The following FLG variants were observed in gnomAD, a reference collection of about 807,000 sequenced individuals.
FLG encodes the protein filaggrin.
Under a neutral mutation model 3.8 loss-of-function variants are expected in FLG, and 6 were observed. That is an observed-to-expected ratio of 1.60 (90% confidence interval 0.87 to 3.15). The LOEUF (loss-of-function observed/expected upper bound fraction) is 3.15. Among genes scored for constraint, FLG ranks in the 30% most tolerant of loss-of-function variants. The pLI is 0.00. For synonymous variants in FLG, 2,551 were observed against 1,931.6 expected (o/e 1.32, Z -8.41); for missense variants, 7,595 against 5,050.9 (o/e 1.50, Z -15.27).
Position 152,308,512 on chromosome 1 carries a change from C to T in FLG, c.6374G>A (p.Ser2125Asn), listed in dbSNP as rs749003404. ...CTCTTGGGATGCTGAGTGCCTGGAG[C>T]TGTCTTGTGCCTGATCATAATGGGA... Reference protein sequence around the residue: ...QGSHYDQAQDSSRHSASQEGQ... With the variant: ...QGSHYDQAQDNSRHSASQEGQ... Residue 2125 changes from serine to asparagine, a missense_variant, in exon 3 of 3, where the codon AGC (serine) becomes AAC (asparagine). Physicochemically the swap from Ser to Asn is conservative, Grantham distance 46. Transcript: ENST00000368799. 5 of 1,613,634 alleles carry T rather than the reference C, an allele frequency of 3.1e-6. No homozygotes were observed. In the African/African-American group the frequency reaches 5.3e-5, roughly 17 times the overall value.
In FLG at chr1:152,312,846, T is replaced by C. The variant is rs775984856; in HGVS notation, c.2040A>G (p.Ser680=). Residue 680 remains serine (S), a synonymous_variant, in exon 3 of 3, where the codon TCA becomes TCG. Transcript: ENST00000368799. The stretch of plus-strand genomic sequence containing the variant: ...AGGAATTCTGTGTGTGACGAGTGCC[T>C]GATTTTCTGGAGCTGTCTGCAGAGT... ...HGHSADSSRK[S]GTRHTQNSSS... 4.3e-6 allele frequency: 7 copies of C among 1,613,956 alleles called. No homozygotes were observed. Among genetic ancestry groups the C allele is most frequent in the Non-Finnish European group, 5.9e-6 (7 of 1,180,020 alleles).
chr1:152,303,723 C>G lies in FLG; in HGVS notation c.11163G>C (p.Glu3721Asp). The stretch of plus-strand genomic sequence containing the variant: ...TGGGCCCAGCCCGTCCATGGGCAGA[C>G]TCAGACTGTTCATGAGTGCTCACCT... The part of the protein sequence containing the change: ...LYQVSTHEQS[E>D]SAHGRAGPST... The change falls in exon 3 of 3, where the codon GAG becomes GAC. Residue 3721 changes from glutamate to aspartate, a missense_variant. By Grantham distance (45) the Glu-to-Asp change is conservative. Transcript: ENST00000368799. 1 of 1,614,044 alleles carries G rather than the reference C, an allele frequency of 6.2e-7. No individual in the cohort carries two copies. The highest frequency in any genetic ancestry group is 8.5e-7 in the Non-Finnish European group (1 of 1,179,984).
chr1:152,302,883 G>T lies in FLG; in HGVS notation c.12003C>A (p.Tyr4001Ter), dbSNP rs1557869361. Residue 4001 changes from tyrosine to a stop codon, truncating the protein, a stop_gained, in exon 3 of 3, where the codon TAC becomes TAA. Transcript: ENST00000368799. LOFTEE classifies it low-confidence loss of function (END_TRUNC). The stretch of plus-strand genomic sequence containing the variant: ...CCTTGAAAACAACAGGATTGGAATT[G>T]TAACTAACACTTCCGTGCTGAGAGT... ...FRHSQHGSVS[Y>*]NSNPVVFKER... is the part of the protein sequence containing the mutation. 2 of 1,614,168 alleles carry T rather than the reference G, an allele frequency of 1.2e-6. No homozygotes were observed. The highest frequency in any genetic ancestry group is 1.3e-5 in the African/African-American group (1 of 75,038).
rs374338841 is a variant in FLG at position 152,305,085 on chromosome 1, A to G, written c.9801T>C (p.Ser3267=). The G allele has an allele frequency of 2.7e-4, 432 of 1,613,886 alleles. 1 individual carries two copies. Among genetic ancestry groups the G allele is most frequent in the Non-Finnish European group, 3.5e-4 (410 of 1,179,952 alleles). Residue 3267 remains serine (S), a synonymous_variant, in exon 3 of 3, where the codon TCT becomes TCC. Coordinates refer to ENST00000368799, the MANE Select transcript of FLG (RefSeq NM_002016.2). ...TGCCTGATTGTCTGGAGCGGTCTGC[A>G]GAGTGCCCGTGACCGGCTCTGTCTT... ...HHEDRAGHGH[S]ADRSRQSGTR...
At position 152,310,520 on chromosome 1, in the gene FLG, C is replaced by T. The variant is rs554065456; in HGVS notation, c.4366G>A (p.Gly1456Arg). Residue 1456 changes from glycine to arginine, a missense_variant, in exon 3 of 3, where the codon GGA (glycine) becomes AGA (arginine). Transcript: ENST00000368799. ...CCTCCAGTGCTGGGTGCAGTCTGTC[C>T]GTGTGTGGACTCAGACTGTTCATGA... The part of the protein sequence containing the change: ...SSHEQSESTH[G>R]QTAPSTGGRQ... The T allele has an allele frequency of 2.1e-5, 34 of 1,613,756 alleles. No homozygotes were observed. The highest frequency in any genetic ancestry group is 2.0e-4 in the East Asian group (9 of 44,830).
Position 152,311,074 on chromosome 1 carries a change from C to T in FLG, c.3812G>A (p.Ser1271Asn), listed in dbSNP as rs768867897. The change falls in exon 3 of 3, where the codon AGC becomes AAC. Residue 1271 changes from serine (S) to asparagine (N), a missense_variant. Ser to Asn is a conservative substitution (Grantham distance 46, BLOSUM62 1). Transcript: ENST00000368799. Reference protein sequence around the residue: ...RTSRHQGSSVSQDSDSERHSD... With the variant: ...RTSRHQGSSVNQDSDSERHSD... ...GTGTCTCTCACTGTCACTGTCCTGG[C>T]TAACACTGGATCCCTGGTGCCTGCT... The T allele has an allele frequency of 2.5e-6, 4 of 1,613,868 alleles. No homozygotes were observed. In the Admixed American group the frequency reaches 6.7e-5, roughly 27 times the overall value.
rs1244367688 is a variant in FLG, at chr1:152,308,851, T to G, written c.6035A>C (p.Gln2012Pro). 6.2e-7 allele frequency: 1 copy of G among 1,614,146 alleles called. No individual in the cohort carries two copies. Among genetic ancestry groups the G allele is most frequent in the Non-Finnish European group, 8.5e-7 (1 of 1,180,012 alleles). The stretch of plus-strand genomic sequence containing the variant: ...TGAGTGTCTGGAGCTGTCTGCTGAC[T>G]GGAGCTGGTGGTGGGATCCATGTCT... ...GERHGSHHQL[Q>P]SADSSRHSGI... Residue 2012 changes from glutamine (Q) to proline (P), a missense_variant, in exon 3 of 3, where the codon CAG becomes CCG. By Grantham distance (76) the Gln-to-Pro change is moderately conservative. Coordinates refer to ENST00000368799, the MANE Select transcript of FLG (RefSeq NM_002016.2).
rs1212014047 is a variant in FLG at position 152,305,226 on chromosome 1, G to C, written c.9660C>G (p.Asp3220Glu). 8 of 1,613,252 alleles carry C rather than the reference G, an allele frequency of 5.0e-6. No homozygotes were observed. Among genetic ancestry groups the C allele is most frequent in the Non-Finnish European group, 6.8e-6 (8 of 1,179,848 alleles). The change falls in exon 3 of 3, where the codon GAC becomes GAG. Residue 3220 changes from aspartate to glutamate, a missense_variant. Transcript: ENST00000368799. Reference sequence around the variant, plus strand: ...CAGAGTCTTCTGAATGTCCCTCACTGTCACTGTCCTGGCTCACACTGGATC... The same window carrying C: ...CAGAGTCTTCTGAATGTCCCTCACTCTCACTGTCCTGGCTCACACTGGATC... ...RQGSSVSQDS[D>E]SEGHSEDSER...
chr1:152,321,087 TAC>T (rs1349649540), intron 1 of FLG, among the ~76,000 whole-genome samples: 2 of 150,840 alleles, frequency 1.3e-5, no homozygotes, highest in African/African-American at 4.8e-5. Flanking sequence ...TATACATATA[TAC>T]ACTCACATAT....
chr1:152,304,891 T>G lies in FLG; in HGVS notation c.9995A>C (p.His3332Pro), dbSNP rs1266509695. 6.2e-7 allele frequency: 1 copy of G among 1,613,658 alleles called. No individual in the cohort carries two copies. Among genetic ancestry groups the G allele is most frequent in the Non-Finnish European group, 8.5e-7 (1 of 1,179,948 alleles). Reference protein sequence around the residue: ...QASSAVRDSRHWGSSGSQASD... With the variant: ...QASSAVRDSRPWGSSGSQASD... Reference sequence around the variant, plus strand: ...GGCCTGACTACCACTGGACCCCCAGTGTCTACTGTCTCTGACTGCAGATGA... The same window carrying G: ...GGCCTGACTACCACTGGACCCCCAGGGTCTACTGTCTCTGACTGCAGATGA... Residue 3332 changes from histidine to proline, a missense_variant, in exon 3 of 3, where the codon CAC (histidine) becomes CCC (proline). Transcript: ENST00000368799.
chr1:152,322,652 AAG>A (rs1470614921), intron 1 of FLG, among the ~76,000 whole-genome samples: 4 of 151,306 alleles, frequency 2.6e-5, no homozygotes, highest in Non-Finnish European at 5.9e-5. Flanking sequence ...AGCATAAAAA[AAG>A]AGGAAATTTT....
rs371856162 is a variant in FLG, at chr1:152,311,103, C to T, written c.3783G>A (p.Arg1261=). The T allele has an allele frequency of 1.5e-4, 241 of 1,613,754 alleles. No individual in the cohort carries two copies. The highest frequency in any genetic ancestry group is 2.0e-4 in the Non-Finnish European group (234 of 1,179,984). The part of the protein sequence containing the change: ...QVGQEQSSGS[R]TSRHQGSSVS... Reference sequence around the variant, plus strand: ...CACTGGATCCCTGGTGCCTGCTTGTCCTGGACCCCGATGATTGTTCCTGTC... The same window carrying T: ...CACTGGATCCCTGGTGCCTGCTTGTTCTGGACCCCGATGATTGTTCCTGTC... The change falls in exon 3 of 3, where the codon AGG becomes AGA. Residue 1261 remains arginine, a synonymous_variant. Transcript: ENST00000368799.
In FLG at chr1:152,307,229, G is replaced by T. The variant is rs1652033914; in HGVS notation, c.7657C>A (p.Gln2553Lys). ...SSGHSQVGQG[Q>K]SEGPRTSRNW... ...CTGCTTGTCCTGGGCCCCTCTGATT[G>T]TCCCTGGCCCACCTGCGAGTGTCCA... Residue 2553 changes from glutamine (Q) to lysine (K), a missense_variant, in exon 3 of 3, where the codon CAA becomes AAA. Gln to Lys is a moderately conservative substitution (Grantham distance 53). Coordinates refer to ENST00000368799, the MANE Select transcript of FLG (RefSeq NM_002016.2). 5 of 1,612,826 alleles carry T rather than the reference G, an allele frequency of 3.1e-6. No individual in the cohort carries two copies. Among genetic ancestry groups the T allele is most frequent in the East Asian group, 2.2e-5 (1 of 44,796 alleles).
rs779547405 is a variant in FLG, at chr1:152,312,091, T to G, written c.2795A>C (p.Gln932Pro). Residue 932 changes from glutamine (Q) to proline (P), a missense_variant, in exon 3 of 3, where the codon CAA (glutamine) becomes CCA (proline). Physicochemically the swap from Gln to Pro is moderately conservative, Grantham distance 76. Coordinates refer to ENST00000368799, the MANE Select transcript of FLG (RefSeq NM_002016.2). ...ISRHSQAGQGQSEGSRTSRRQ... is the reference protein window; with the variant it reads ...ISRHSQAGQGPSEGSRTSRRQ... The stretch of plus-strand genomic sequence containing the variant: ...CCTGCTTGTCCTGGACCCCTCTGAT[T>G]GTCCCTGGCCTGCCTGTGAGTGTCT... 48 of 1,613,976 alleles carry G rather than the reference T, an allele frequency of 3.0e-5. No individual in the cohort carries two copies. Among genetic ancestry groups the G allele is most frequent in the Non-Finnish European group, 4.1e-5 (48 of 1,180,006 alleles).
chr1:152,304,730 A>C lies in FLG; in HGVS notation c.10156T>G (p.Phe3386Val). ...SGGRSGRSGS[F>V]LYQVSTHEQS... ...TCATGAGTGCTCACCTGGTAGAGGA[A>C]AGACCCTGAACGTCCAGACCTTCCC... The change falls in exon 3 of 3, where the codon TTC (phenylalanine) becomes GTC (valine). Residue 3386 changes from phenylalanine to valine, a missense_variant. Coordinates refer to ENST00000368799, the MANE Select transcript of FLG (RefSeq NM_002016.2). The C allele has an allele frequency of 6.2e-7, 1 of 1,612,878 alleles. No individual in the cohort carries two copies. The highest frequency in any genetic ancestry group is 8.5e-7 in the Non-Finnish European group (1 of 1,179,832).
At position 152,304,681 on chromosome 1, in the gene FLG, C is replaced by T. The variant is rs111684654; in HGVS notation, c.10205G>A (p.Arg3402Gln). 1.1e-3 allele frequency: 1,705 copies of T among 1,612,020 alleles called. 42 individuals are homozygous for T. Among genetic ancestry groups the T allele is most frequent in the Non-Finnish European group, 9.6e-4 (1,131 of 1,179,164 alleles). Residue 3402 changes from arginine to glutamine, a missense_variant, in exon 3 of 3, where the codon CGG (arginine) becomes CAG (glutamine). Transcript: ENST00000368799. ...THEQSESAHG[R>Q]TRTSTGRRQG... The stretch of plus-strand genomic sequence containing the variant: ...TCTTCGTCCAGTGCTGGTCCTGGTC[C>T]GCCCATGGGCAGACTCAGACTGTTC...
Position 152,314,728 on chromosome 1 carries a change from A to G in FLG, c.158T>C (p.Met53Thr), listed in dbSNP as rs1156337712. The change falls in exon 3 of 3, where the codon ATG (methionine) becomes ACG (threonine). Residue 53 changes from methionine to threonine, a missense_variant. By Grantham distance (81) the Met-to-Thr change is moderately conservative (BLOSUM62 -1). Transcript: ENST00000368799. ...CAAGTGATCCATGAAGACATCAACC[A>G]TATCTGGGTCATCTGGATTCTGTAC... ...QILKNPDDPD[M>T]VDVFMDHLDI... 1 of 1,613,834 alleles carries G rather than the reference A, an allele frequency of 6.2e-7. No homozygotes were observed. The highest frequency in any genetic ancestry group is 8.5e-7 in the Non-Finnish European group (1 of 1,179,822).
At position 152,313,517 on chromosome 1, in the gene FLG, G is replaced by A. The variant is rs144697557; in HGVS notation, c.1369C>T (p.Arg457Trp). Reference protein sequence around the residue: ...QQSHQESTRGRSGERSGRSGS... With the variant: ...QQSHQESTRGWSGERSGRSGS... ...GAACGTCCAGACCGTTCCCCTGACC[G>A]GCCACGTGTGGACTCTTGGTGGCTC... The change falls in exon 3 of 3, where the codon CGG becomes TGG. Residue 457 changes from arginine to tryptophan, a missense_variant. By Grantham distance (101) the Arg-to-Trp change is moderately radical. Coordinates refer to ENST00000368799, the MANE Select transcript of FLG (RefSeq NM_002016.2). The A allele has an allele frequency of 3.6e-4, 585 of 1,613,858 alleles. 1 individual carries two copies. Among genetic ancestry groups the A allele is most frequent in the African/African-American group, 5.2e-4 (39 of 74,916 alleles).
intron 1 of FLG, among the ~76,000 whole-genome samples, chr1:152,317,021 T>C (rs1652809668): frequency 6.6e-6 from 1 of 152,096 alleles, no homozygotes; most frequent in Admixed American, 6.6e-5. Context: ...TACATTTCTA[T>C]CCATATACCT....
Sources: allele counts gnomAD v4.1 joint callset (sites outside exome capture counted in the v4.1 genomes callset), GRCh38; gene constraint gnomAD v4.1.1; transcripts MANE v1.5; gene names NCBI Gene and HGNC (gene_info 2026-07-23, HGNC 2026-07-21).